Variants in ZNF197 observed in about 807,000 individuals in gnomAD.
ZNF197 encodes the protein zinc finger protein 197, also known as VHL-associated KRAB-A domain-containing protein.
A neutral mutation model predicts 27.4 loss-of-function variants in ZNF197; 14 were observed. The observed-to-expected ratio is 0.51, with a 90% CI of 0.34 to 0.80. The LOEUF is 0.80. ZNF197 is among the 30% of genes least tolerant of loss of function. The pLI is 0.02. For synonymous variants in ZNF197, 415 were observed against 420.0 expected, an observed-to-expected ratio of 0.99 and a Z score of 0.15; for missense variants, 1,090 against 1,222.6, an observed-to-expected ratio of 0.89 and a Z score of 1.62.
In ZNF197 at chr3:44,644,675, A is replaced by G; in HGVS notation, c.*455A>G. ...AGTTCATCCCAACTTTCAAGTCTAC[A>G]AAAACATAATCCAAATCTAATAACA... On this transcript the variant is annotated 3_prime_UTR_variant, in exon 6 of 6. Coordinates refer to ENST00000344387, the MANE Select transcript of ZNF197 (RefSeq NM_006991.5). 1.0e-6 allele frequency: 1 copy of G among 987,362 alleles called. No homozygotes were observed. Among genetic ancestry groups the G allele is most frequent in the South Asian group, 4.7e-5 (1 of 21,382 alleles). The allele number at this position is 987,362 out of a possible 1,614,324, so 61.2% of individuals were successfully genotyped here. A position where few individuals can be genotyped will look rare whatever the true frequency, so the allele number is the denominator to read the frequency against.
Position 44,645,138 on chromosome 3 carries a change from T to C in ZNF197, c.*918T>C, listed in dbSNP as rs115761931. ...GTTATTAAGTCAGCCTCTAAAGCTT[T>C]AGTTTCCTGTCAGTCAAATGTTGAC... On this transcript the variant is annotated 3_prime_UTR_variant, in exon 6 of 6. Transcript: ENST00000344387. 2,001 of 969,840 alleles carry C rather than the reference T, an allele frequency of 2.1e-3. 36 individuals are homozygous for C. In the African/African-American group the frequency reaches 0.033, roughly 16 times the overall value. The allele number at this position is 969,840 out of a possible 1,614,324, so 60.1% of individuals were successfully genotyped here.
rs1205398603 is a variant in ZNF197 at position 44,642,302 on chromosome 3, T to G, written c.1172T>G (p.Ile391Ser). ...TCCCATCTTATAAACCATCGGAGAA[T>G]CCACACTGGTGAGAAACCTCATAAA... The part of the protein sequence containing the change: ...KISHLINHRR[I>S]HTGEKPHKCK... The change falls in exon 6 of 6, where the codon ATC becomes AGC. Residue 391 changes from isoleucine to serine, a missense_variant. By Grantham distance (142) the Ile-to-Ser change is moderately radical (BLOSUM62 -2). Coordinates refer to ENST00000344387, the MANE Select transcript of ZNF197 (RefSeq NM_006991.5). The G allele has an allele frequency of 6.2e-7, 1 of 1,614,164 alleles. No individual in the cohort carries two copies. Among genetic ancestry groups the G allele is most frequent in the Non-Finnish European group, 8.5e-7 (1 of 1,180,026 alleles).
Position 44,641,868 on chromosome 3 carries a change from G to T in ZNF197, c.770-32G>T, listed in dbSNP as rs184309035. 3 of 1,533,370 alleles carry T rather than the reference G, an allele frequency of 2.0e-6. No homozygotes were observed. In the African/African-American group the frequency reaches 4.2e-5, roughly 21 times the overall value. 95.0% of individuals were successfully genotyped at this position (1,533,370 alleles called of 1,614,324 possible). A position where few individuals can be genotyped will look rare whatever the true frequency, so the allele number is the denominator to read the frequency against. The stretch of plus-strand genomic sequence containing the variant: ...CTGTTCTTCCAAACACAGGGACGTG[G>T]TAACATTTGCATTTTTAATTCCTTT... On this transcript the variant is annotated intron_variant, in intron 5 of 5. Transcript: ENST00000344387.
chr3:44,625,963 C>T lies in ZNF197; in HGVS notation c.-82+820C>T, dbSNP rs13321717. Among the ~76,000 whole-genome samples the T allele has an allele frequency of 8.3e-3, 1,265 of 152,112 alleles. 4 individuals are homozygous for T. Among genetic ancestry groups the T allele is most frequent in the African/African-American group, 0.017 (723 of 41,476 alleles). On this transcript the variant is annotated intron_variant, in intron 1 of 5. Transcript: ENST00000344387. ...TGTTTTGGACTTCTGGAATTAGAAT[C>T]CCTGAATTCAGAATTTGCTCCCATG...
At chr3:44,639,766 G>A (rs146964896) in intron 5 of ZNF197, among the ~76,000 whole-genome samples, 2 of 152,014 alleles carry the variant, frequency 1.3e-5, no homozygotes, top group African/African-American at 4.8e-5. Flanking sequence ...TCAGGAAGAG[G>A]AAAGGACACG....
rs567652215 is a variant in ZNF197 at position 44,641,376 on chromosome 3, A to G, written c.770-524A>G. ...ATTCTAAGAATTAAGTTGCTTTTCA[A>G]TGGATTTCTTTTCTGTTGGTTAATT... On this transcript the variant is annotated intron_variant, in intron 5 of 5. Coordinates refer to ENST00000344387, the MANE Select transcript of ZNF197 (RefSeq NM_006991.5). 4.6e-5 allele frequency among the ~76,000 whole-genome samples: 7 copies of G among 152,334 alleles called. No individual in the cohort carries two copies. In the East Asian group the frequency reaches 9.6e-4, roughly 21 times the overall value.
Position 44,629,511 on chromosome 3 carries a change from G to A in ZNF197, c.357G>A (p.Glu119=). ...SGEEAVALVE[E]LQKDLDGPAI... is the part of the protein sequence containing the mutation. ...AGGAGGCTGTGGCCCTGGTAGAGGA[G>A]CTGCAGAAAGACCTTGATGGACCAG... Residue 119 remains glutamate, a synonymous_variant, in exon 2 of 6, where the codon GAG becomes GAA. Coordinates refer to ENST00000344387, the MANE Select transcript of ZNF197 (RefSeq NM_006991.5). The A allele has an allele frequency of 6.3e-7, 1 of 1,582,684 alleles. No individual in the cohort carries two copies. Among genetic ancestry groups the A allele is most frequent in the Non-Finnish European group, 8.6e-7 (1 of 1,166,286 alleles).
Position 44,632,123 on chromosome 3 carries a change from C to T in ZNF197, c.569C>T (p.Ala190Val). 1 of 1,614,174 alleles carries T rather than the reference C, an allele frequency of 6.2e-7. No homozygotes were observed. The highest frequency in any genetic ancestry group is 8.5e-7 in the Non-Finnish European group (1 of 1,180,020). The change falls in exon 4 of 6, where the codon GCT becomes GTT. Residue 190 changes from alanine (A) to valine (V), a missense_variant. By Grantham distance (64) the Ala-to-Val change is moderately conservative. Coordinates refer to ENST00000344387, the MANE Select transcript of ZNF197 (RefSeq NM_006991.5). ...TCCTCAGATTCTCCTGCCCCTGAAG[C>T]TTCTGCCCTTTCCCAGGAAGAGAAC... ...DPQHDSPAPE[A>V]SALSQEENPR... is the part of the protein sequence containing the mutation.
At chr3:44,626,866 T>C (rs1412898216) in intron 1 of ZNF197, among the ~76,000 whole-genome samples, 3 of 152,352 alleles carry the variant, frequency 2.0e-5, no homozygotes, top group Non-Finnish European at 2.9e-5. Flanking sequence ...TCCAAACTGA[T>C]GTATGCCCAA....
intron 1 of ZNF197, among the ~76,000 whole-genome samples, chr3:44,626,598 T>C (rs185693912): frequency 9.2e-5 from 14 of 152,348 alleles, no homozygotes; most frequent in Non-Finnish European, 1.5e-5. Context: ...ATAGTTACTT[T>C]AAAAAATATA....
In ZNF197 at chr3:44,640,242, C is replaced by G. The variant is rs143162494; in HGVS notation, c.770-1658C>G. Reference sequence around the variant, plus strand: ...TTAACCAGCTAATTAGCTACTGATACAAGAGTTGCTAATTTCTTAACCATT... The same window carrying G: ...TTAACCAGCTAATTAGCTACTGATAGAAGAGTTGCTAATTTCTTAACCATT... On this transcript the variant is annotated intron_variant, in intron 5 of 5. Coordinates refer to ENST00000344387, the MANE Select transcript of ZNF197 (RefSeq NM_006991.5). The surrounding 1 kb of genome is among the most constrained non-coding windows in gnomAD (Gnocchi z 4.0). Among the ~76,000 whole-genome samples, 138 of 152,332 alleles carry G rather than the reference C, an allele frequency of 9.1e-4. 2 individuals carry two copies. The highest frequency in any genetic ancestry group is 3.6e-3 in the Admixed American group (55 of 15,306).
At position 44,646,030 on chromosome 3, in the gene ZNF197, G is replaced by T; in HGVS notation, c.*1810G>T. On this transcript the variant is annotated 3_prime_UTR_variant, in exon 6 of 6. Transcript: ENST00000344387. ...AAGTGGTGTGTTGATTATCATAAAT[G>T]TTATTAATTCAACCCCACAGTTTCT... The T allele has an allele frequency of 1.0e-6, 1 of 985,394 alleles. No homozygotes were observed. Among genetic ancestry groups the T allele is most frequent in the South Asian group, 4.7e-5 (1 of 21,292 alleles). 61.0% of individuals were successfully genotyped at this position (985,394 alleles called of 1,614,324 possible).
intron 2 of ZNF197, 73 bp from the exon 3 acceptor site, chr3:44,630,989 G>C (rs746124167): frequency 6.3e-7 from 1 of 1,594,172 alleles, no homozygotes; most frequent in Non-Finnish European, 8.6e-7. Context: ...TGGGCAGAAA[G>C]AGGTCCACAG....
In ZNF197 at chr3:44,643,546, A is replaced by G; in HGVS notation, c.2416A>G (p.Ile806Val). 6.2e-7 allele frequency: 1 copy of G among 1,614,214 alleles called. No individual in the cohort carries two copies. Among genetic ancestry groups the G allele is most frequent in the Non-Finnish European group, 8.5e-7 (1 of 1,180,032 alleles). ...GKCFILKKSL[I>V]GHQRIHTREK... is the part of the protein sequence containing the mutation. ...ATGCTTCATTCTGAAGAAAAGCCTCATTGGACATCAGAGAATTCACACGAG... is the reference window on the plus strand; with the variant it reads ...ATGCTTCATTCTGAAGAAAAGCCTCGTTGGACATCAGAGAATTCACACGAG... Residue 806 changes from isoleucine (I) to valine (V), a missense_variant, in exon 6 of 6, where the codon ATT becomes GTT. Coordinates refer to ENST00000344387, the MANE Select transcript of ZNF197 (RefSeq NM_006991.5).
chr3:44,627,907 A>G (rs1701763856), intron 1 of ZNF197, among the ~76,000 whole-genome samples: 1 of 152,068 alleles, frequency 6.6e-6, no homozygotes, highest in Admixed American at 6.6e-5. Flanking sequence ...TTGTACTTAA[A>G]CATTATATTG....
In ZNF197 at chr3:44,643,005, T is replaced by C; in HGVS notation, c.1875T>C (p.Thr625=). Reference sequence around the variant, plus strand: ...GCAGAGAGAAACCTTACAAATGCACTGAATGTGGGAAAGCCTTTACTCAAA... The same window carrying C: ...GCAGAGAGAAACCTTACAAATGCACCGAATGTGGGAAAGCCTTTACTCAAA... ...MHSREKPYKC[T]ECGKAFTQSA... The change falls in exon 6 of 6, where the codon ACT becomes ACC. Residue 625 remains threonine (T), a synonymous_variant. Coordinates refer to ENST00000344387, the MANE Select transcript of ZNF197 (RefSeq NM_006991.5). 4 of 1,614,076 alleles carry C rather than the reference T, an allele frequency of 2.5e-6. No homozygotes were observed. The highest frequency in any genetic ancestry group is 3.4e-6 in the Non-Finnish European group (4 of 1,180,004).
chr3:44,631,998 G>A, intron 3 of ZNF197, 107 bp from the exon 4 acceptor site: 1 of 1,028,080 alleles, frequency 9.7e-7, no homozygotes, highest in East Asian at 2.4e-5. Flanking sequence ...ACCACGCCCT[G>A]CCTTGTATCA....
chr3:44,630,348 A>T (rs1449298245), intron 2 of ZNF197, among the ~76,000 whole-genome samples: 1 of 152,188 alleles, frequency 6.6e-6, no homozygotes, highest in Non-Finnish European at 1.5e-5. Flanking sequence ...TTTGCTTCTG[A>T]TAAGATTTAT....
Position 44,642,353 on chromosome 3 carries a change from T to A in ZNF197, c.1223T>A (p.Ile408Asn). The A allele has an allele frequency of 1.2e-6, 2 of 1,614,122 alleles. No homozygotes were observed. Among genetic ancestry groups the A allele is most frequent in the Non-Finnish European group, 1.7e-6 (2 of 1,180,024 alleles). Residue 408 changes from isoleucine to asparagine, a missense_variant, in exon 6 of 6, where the codon ATT becomes AAT. By Grantham distance (149) the Ile-to-Asn change is moderately radical (BLOSUM62 -3). Transcript: ENST00000344387. ...HKCKECGKGF[I>N]QRSSLLMHLR... ...TGTAAGGAATGTGGAAAAGGCTTTA[T>A]TCAGCGTTCGAGCCTTCTAATGCAT...
Sources: allele counts gnomAD v4.1 joint callset (sites outside exome capture counted in the v4.1 genomes callset), GRCh38; gene constraint gnomAD v4.1.1; non-coding constraint Gnocchi (gnomAD v3.1); transcripts MANE v1.5; gene names NCBI Gene and HGNC (gene_info 2026-07-23, HGNC 2026-07-21).